DNAL1: variants seen among roughly 807,000 people sequenced by gnomAD.
DNAL1 encodes the protein dynein axonemal light chain 1.
A neutral mutation model predicts 29.4 loss-of-function variants in DNAL1; 17 were observed. The observed-to-expected ratio is 0.58, with a 90% confidence interval of 0.40 to 0.87. The LOEUF is 0.87. DNAL1 is among the 40% of genes least tolerant of loss of function. The pLI, the probability that DNAL1 is intolerant of heterozygous loss-of-function variation, is 0.00. For synonymous variants in DNAL1, 78 were observed against 76.3 expected (o/e 1.02, Z -0.12); for missense variants, 188 against 214.1 (o/e 0.88, Z 0.76).
At chr14:73,690,185 G>A (rs1892136907) in intron 7 of DNAL1, among the ~76,000 whole-genome samples, 1 of 152,098 alleles carries the variant, frequency 6.6e-6, no homozygotes, top group Non-Finnish European at 1.5e-5. Flanking sequence ...TTGCAATATA[G>A]TGAGAAAAAC....
At position 73,702,712 on chromosome 14, in the gene DNAL1, A is replaced by G. The variant is rs1892466475; in HGVS notation, c.*6770A>G. The G allele has an allele frequency of 6.6e-6, 1 of 152,110 alleles. No homozygotes were observed. Among genetic ancestry groups the G allele is most frequent in the Non-Finnish European group, 1.5e-5 (1 of 68,034 alleles). 9.4% of individuals were successfully genotyped at this position (152,110 alleles called of 1,614,324 possible). A position where few individuals can be genotyped will look rare whatever the true frequency, so the allele number is the denominator to read the frequency against. The stretch of plus-strand genomic sequence containing the variant: ...GTAACATTACACATTTTGCCAGCAC[A>G]TTTTCTATGCTATCAGCTAAAACGT... On this transcript the variant is annotated 3_prime_UTR_variant, in exon 8 of 8. Transcript: ENST00000553645.
intron 1 of DNAL1, among the ~76,000 whole-genome samples, chr14:73,651,482 C>G (rs921575797): frequency 2.0e-4 from 30 of 152,066 alleles, no homozygotes; most frequent in African/African-American, 6.8e-4. Context: ...AGTGTCTAGG[C>G]TTGGAGTATT....
At position 73,658,714 on chromosome 14, in the gene DNAL1, G is replaced by T. The variant is rs561525805; in HGVS notation, c.43-133G>T. On this transcript the variant is annotated intron_variant, in intron 2 of 7. Coordinates refer to ENST00000553645, the MANE Select transcript of DNAL1 (RefSeq NM_031427.4). ...ATGTTTTCAATAAGTTAATGGTAAA[G>T]AATTATTAAACAGTTTGCTAAATTC... The T allele has an allele frequency of 3.4e-5, 19 of 564,406 alleles. No individual in the cohort carries two copies. In the African/African-American group the frequency reaches 3.4e-4, roughly 10 times the overall value. 35.0% of individuals were successfully genotyped at this position (564,406 alleles called of 1,614,324 possible). A position where few individuals can be genotyped will look rare whatever the true frequency, so the allele number is the denominator to read the frequency against.
intron 4 of DNAL1, among the ~76,000 whole-genome samples, chr14:73,668,338 G>A (rs960789293): frequency 6.6e-6 from 1 of 152,160 alleles, no homozygotes; most frequent in African/African-American, 2.4e-5. Context: ...GTGTATAGTA[G>A]ATGGTCAGTA....
intron 5 of DNAL1, among the ~76,000 whole-genome samples, chr14:73,682,337 A>ATTTTTTTTTTTTTTTTTTTTT: frequency 1.1e-5 from 1 of 93,416 alleles, no homozygotes; most frequent in Non-Finnish European, 2.0e-5. Flanking sequence ...TGCCTGGCTA[A>ATTTTTTTTTTTTTTTTTTTTT]TTTTTTTTTT....
intron 5 of DNAL1, among the ~76,000 whole-genome samples, chr14:73,681,633 A>AAATATATATAT (rs1555402645): frequency 2.0e-4 from 7 of 35,412 alleles, no homozygotes; most frequent in African/African-American, 1.5e-3. Context: ...AAAAAAAAAA[A>AAATATATATAT]ATATATATAT....
At chr14:73,663,092 T>C (rs1265871074) in intron 4 of DNAL1, among the ~76,000 whole-genome samples, 1 of 152,142 alleles carries the variant, frequency 6.6e-6, no homozygotes, top group Non-Finnish European at 1.5e-5. Flanking sequence ...GAAATACATC[T>C]GAATGTATTA....
In DNAL1 at chr14:73,699,237, T is replaced by C. The variant is rs12147465; in HGVS notation, c.*3295T>C. ...TAGCCATGTGCCACTTGAATTGTTA[T>C]ATGAGAGAAGGTGATGTATTCAGTA... On this transcript the variant is annotated 3_prime_UTR_variant, in exon 8 of 8. Transcript: ENST00000553645. The C allele has an allele frequency of 0.23, 34,328 of 152,158 alleles. 5,051 individuals carry two copies. The highest frequency in any genetic ancestry group is 0.33 in the Non-Finnish European group (22,655 of 67,976). The allele number at this position is 152,158 out of a possible 1,614,324, so 9.4% of individuals were successfully genotyped here.
chr14:73,668,844 T>A (rs1217392019), intron 4 of DNAL1, among the ~76,000 whole-genome samples: 2 of 151,158 alleles, frequency 1.3e-5, no homozygotes, highest in African/African-American at 4.9e-5. Context: ...GCCCAGCTAA[T>A]TTTTTTATTT....
chr14:73,680,630 CAT>C (rs1218904692), intron 5 of DNAL1, among the ~76,000 whole-genome samples: 1 of 152,124 alleles, frequency 6.6e-6, no homozygotes, highest in Non-Finnish European at 1.5e-5. Flanking sequence ...ATCACTCAAA[CAT>C]TATTTATTTA....
intron 1 of DNAL1, among the ~76,000 whole-genome samples, chr14:73,652,590 A>C (rs1221878580): frequency 1.3e-5 from 2 of 151,932 alleles, no homozygotes; most frequent in African/African-American, 4.8e-5. Context: ...TTATATTTTC[A>C]ATTTGTATTG....
In DNAL1 at chr14:73,702,266, G is replaced by A. The variant is rs62004953; in HGVS notation, c.*6324G>A. ...AGCGAGTCTCCTGCCTCAGCCTCCC[G>A]AGTACTGGGACTACAGGCGCACACC... On this transcript the variant is annotated 3_prime_UTR_variant, in exon 8 of 8. Transcript: ENST00000553645. The A allele has an allele frequency of 0.22, 33,724 of 151,954 alleles. 5,002 individuals carry two copies. The highest frequency in any genetic ancestry group is 0.33 in the Non-Finnish European group (22,662 of 67,950). The allele number at this position is 151,954 out of a possible 1,614,324, so 9.4% of individuals were successfully genotyped here.
intron 4 of DNAL1, among the ~76,000 whole-genome samples, chr14:73,670,938 G>C (rs1021584315): frequency 6.6e-6 from 1 of 151,388 alleles, no homozygotes; most frequent in African/African-American, 2.4e-5. Context: ...GGGTTTCACC[G>C]TGTTAGCCAG....
intron 7 of DNAL1, among the ~76,000 whole-genome samples, chr14:73,691,348 G>C (rs150952550): frequency 1.3e-5 from 2 of 151,916 alleles, no homozygotes; most frequent in South Asian, 2.1e-4. Context: ...TCAGGAGTTC[G>C]AGACCAGCCT....
At position 73,671,596 on chromosome 14, in the gene DNAL1, T is replaced by C. The variant is rs2140042513; in HGVS notation, c.263T>C (p.Leu88Pro). 6.8e-7 allele frequency: 1 copy of C among 1,467,290 alleles called. No homozygotes were observed. Among genetic ancestry groups the C allele is most frequent in the South Asian group, 1.5e-5 (1 of 67,698 alleles). 90.9% of individuals were successfully genotyped at this position (1,467,290 alleles called of 1,614,324 possible). A position where few individuals can be genotyped will look rare whatever the true frequency, so the allele number is the denominator to read the frequency against. ...AACAACATAAAGAACTTAAATGGAC[T>C]GGTAGGTTGTTATTTATTATTATTT... is the stretch of plus-strand genomic sequence containing the variant. ...GRNNIKNLNG[L>P]EAVGDTLEEL... The change falls in exon 5 of 8, where the codon CTG becomes CCG. Residue 88 changes from leucine to proline, a missense_variant and splice_region_variant. Physicochemically the swap from Leu to Pro is moderately conservative, Grantham distance 98 (BLOSUM62 -3). Coordinates refer to ENST00000553645, the MANE Select transcript of DNAL1 (RefSeq NM_031427.4).
chr14:73,669,437 C>T (rs1214741597), intron 4 of DNAL1, among the ~76,000 whole-genome samples: 1 of 152,116 alleles, frequency 6.6e-6, no homozygotes, highest in African/African-American at 2.4e-5. Context: ...CCACCATGCC[C>T]AGCTAATTTT....
Position 73,677,554 on chromosome 14 carries a change from A to T in DNAL1, c.264+5957A>T, listed in dbSNP as rs915381009. 8.0e-3 allele frequency among the ~76,000 whole-genome samples: 1,184 copies of T among 148,252 alleles called. 23 individuals carry two copies. Among genetic ancestry groups the T allele is most frequent in the African/African-American group, 0.028 (1,120 of 40,700 alleles). ...AACATATATATAAATATATTTATTT[A>T]TTTATTTATTTATTTTTTTTGAGAC... On this transcript the variant is annotated intron_variant, in intron 5 of 7. Transcript: ENST00000553645.
At chr14:73,663,202 A>ATTTTT (rs58367000) in intron 4 of DNAL1, among the ~76,000 whole-genome samples, 4 of 125,158 alleles carry the variant, frequency 3.2e-5, no homozygotes, top group African/African-American at 6.3e-5. Flanking sequence ...GGTCCCAGTA[A>ATTTTT]TTTTTTTTTT....
At chr14:73,670,496 G>A (rs1388935425) in intron 4 of DNAL1, among the ~76,000 whole-genome samples, 1 of 152,042 alleles carries the variant, frequency 6.6e-6, no homozygotes, top group Non-Finnish European at 1.5e-5. Flanking sequence ...GGTTTCCTGG[G>A]TGTTTCAAAA....
Sources: allele counts gnomAD v4.1 joint callset (sites outside exome capture counted in the v4.1 genomes callset), GRCh38; gene constraint gnomAD v4.1.1; transcripts MANE v1.5; gene names NCBI Gene and HGNC (gene_info 2026-07-23, HGNC 2026-07-21).